FILIP1L: variants seen among roughly 807,000 people sequenced by gnomAD.
FILIP1L encodes the protein filamin A interacting protein 1 like, also known as filamin A-interacting protein 1-like.
In FILIP1L, 55 loss-of-function variants were observed where a neutral mutation model predicts 96.6. That is an observed-to-expected ratio of 0.57 (90% CI 0.46 to 0.71). The LOEUF (loss-of-function observed/expected upper bound fraction) is 0.71, where lower values mean the gene tolerates loss of function less well. Among genes scored for constraint, FILIP1L ranks in the 30% least tolerant of loss-of-function variants. FILIP1L has a pLI of 0.00. For synonymous variants in FILIP1L, 467 were observed against 473.9 expected, an observed-to-expected ratio of 0.99 and a Z score of 0.19; for missense variants, 1,304 against 1,321.2, an observed-to-expected ratio of 0.99 and a Z score of 0.20.
intron 1 of FILIP1L, among the ~76,000 whole-genome samples, chr3:99,939,513 C>A (rs1707792462): frequency 6.6e-6 from 1 of 152,140 alleles, no homozygotes; most frequent in Admixed American, 6.5e-5. Flanking sequence ...CCCCTTCAGC[C>A]CAGGGTCTTT....
chr3:100,061,712 G>A (rs184830268), intron 1 of FILIP1L, among the ~76,000 whole-genome samples: 332 of 152,046 alleles, frequency 2.2e-3, no homozygotes, highest in Non-Finnish European at 3.0e-3. Context: ...CACTACCTCC[G>A]AGGTGCATGT....
intron 1 of FILIP1L, among the ~76,000 whole-genome samples, chr3:99,940,773 GCCT>G (rs1403564503): frequency 6.6e-6 from 1 of 152,154 alleles, no homozygotes; most frequent in Non-Finnish European, 1.5e-5. Flanking sequence ...GTGCCTTTTG[GCCT>G]CCTCTTGCCT....
chr3:99,984,111 A>G (rs901040454), intron 1 of FILIP1L, among the ~76,000 whole-genome samples: 8 of 137,294 alleles, frequency 5.8e-5, no homozygotes, highest in Non-Finnish European at 9.5e-5. Context: ...TCAGGTGCTC[A>G]GGTATGAAAT....
intron 1 of FILIP1L, among the ~76,000 whole-genome samples, chr3:99,994,849 C>T (rs145689534): frequency 3.9e-5 from 6 of 152,318 alleles, no homozygotes; most frequent in East Asian, 1.9e-4. Context: ...TTCACTACCA[C>T]GAGAACAGTA....
intron 4 of FILIP1L, among the ~76,000 whole-genome samples, chr3:99,903,776 TG>T (rs1185858575): frequency 1.3e-5 from 2 of 152,184 alleles, no homozygotes; most frequent in Admixed American, 6.5e-5. Context: ...CCCAAAAAAG[TG>T]TGTCTTTTTT....
At chr3:100,024,525 T>C (rs1261799781) in intron 1 of FILIP1L, among the ~76,000 whole-genome samples, 1 of 152,160 alleles carries the variant, frequency 6.6e-6, no homozygotes, top group Admixed American at 6.6e-5. Flanking sequence ...GTACCTTTCA[T>C]AGGAAGCAAC....
rs61704772 is a variant in FILIP1L, at chr3:100,021,915, T to TTGTGTG, written c.-10-90891_-10-90886dup. 9.4e-3 allele frequency among the ~76,000 whole-genome samples: 1,000 copies of TTGTGTG among 105,880 alleles called. 3 individuals carry two copies. Among genetic ancestry groups the TTGTGTG allele is most frequent in the Non-Finnish European group, 0.013 (706 of 54,396 alleles). The allele number at this position is 105,880 out of a possible 152,430, so 69.5% of individuals were successfully genotyped here. On this transcript the variant is annotated intron_variant, in intron 1 of 5. Coordinates refer to ENST00000477258, the MANE Select transcript of FILIP1L (RefSeq NM_001387850.1). ...AGAATAGCTTGGATGCTAGATCCCA[T>TTGTGTG]TGTGTGTGTGTGTGTGTGTGTGTGT...
chr3:99,920,502 T>C (rs906494625), intron 4 of FILIP1L, among the ~76,000 whole-genome samples: 8 of 152,216 alleles, frequency 5.3e-5, no homozygotes, highest in African/African-American at 1.7e-4. Context: ...TTCAGGTCAT[T>C]GGTGACACAC....
chr3:99,970,617 C>T (rs1708784778), intron 1 of FILIP1L, among the ~76,000 whole-genome samples: 1 of 152,156 alleles, frequency 6.6e-6, no homozygotes, highest in Non-Finnish European at 1.5e-5. Context: ...TAGTTCTAGA[C>T]CTTGCATGTA....
chr3:100,067,690 AATG>A (rs912805574), intron 1 of FILIP1L, among the ~76,000 whole-genome samples: 3 of 152,192 alleles, frequency 2.0e-5, no homozygotes, highest in Non-Finnish European at 4.4e-5. Context: ...TAAACTGATT[AATG>A]ATTAACTAGT....
At chr3:99,993,470 T>A (rs1281965333) in intron 1 of FILIP1L, among the ~76,000 whole-genome samples, 4 of 152,092 alleles carry the variant, frequency 2.6e-5, no homozygotes, top group Admixed American at 2.6e-4. Flanking sequence ...GCCTCTTATT[T>A]CTTTCTCTTA....
At chr3:99,903,407 A>G (rs1706505005) in intron 4 of FILIP1L, among the ~76,000 whole-genome samples, 1 of 151,924 alleles carries the variant, frequency 6.6e-6, no homozygotes, top group Admixed American at 6.6e-5. Context: ...GCCTGCCACC[A>G]CACCCAGCTA....
intron 1 of FILIP1L, among the ~76,000 whole-genome samples, chr3:99,983,454 A>G (rs9862572): frequency 9.9e-4 from 8 of 8,120 alleles, no homozygotes; most frequent in African/African-American, 4.4e-3. Flanking sequence ...ATGTATATAT[A>G]TATATGTGTG....
chr3:100,061,141 A>T (rs919646747), intron 1 of FILIP1L, among the ~76,000 whole-genome samples: 33 of 150,136 alleles, frequency 2.2e-4, no homozygotes, highest in South Asian at 4.2e-4. Flanking sequence ...TTAAAATTTA[A>T]AAAAAAAAAA....
intron 4 of FILIP1L, among the ~76,000 whole-genome samples, chr3:99,864,050 G>C (rs527359943): frequency 4.7e-4 from 72 of 152,224 alleles, no homozygotes; most frequent in African/African-American, 1.7e-3. Context: ...AAACTTTGTA[G>C]GATCTATTTT....
chr3:99,903,791 T>C (rs1011986398), intron 4 of FILIP1L, among the ~76,000 whole-genome samples: 3 of 152,204 alleles, frequency 2.0e-5, no homozygotes, highest in Middle Eastern at 6.3e-3. Flanking sequence ...CTTTTTTTAC[T>C]AAGATGCTTC....
intron 1 of FILIP1L, among the ~76,000 whole-genome samples, chr3:100,014,719 G>A (rs1277815458): frequency 1.3e-5 from 2 of 148,410 alleles, no homozygotes; most frequent in African/African-American, 4.9e-5. Flanking sequence ...TTCCCTATAT[G>A]TTTTGGATAT....
At chr3:100,025,996 G>A (rs1009658284) in intron 1 of FILIP1L, among the ~76,000 whole-genome samples, 7 of 152,082 alleles carry the variant, frequency 4.6e-5, no homozygotes, top group African/African-American at 9.7e-5. Flanking sequence ...ACCTTACCTC[G>A]CTCCCAGGCA....
intron 4 of FILIP1L, among the ~76,000 whole-genome samples, chr3:99,924,021 C>T (rs1449359511): frequency 6.6e-6 from 1 of 152,220 alleles, no homozygotes; most frequent in Non-Finnish European, 1.5e-5. Flanking sequence ...AGGGGCCTAA[C>T]ATTTATGGTT....
Sources: allele counts gnomAD v4.1 joint callset (sites outside exome capture counted in the v4.1 genomes callset), GRCh38; gene constraint gnomAD v4.1.1; transcripts MANE v1.5; gene names NCBI Gene and HGNC (gene_info 2026-07-23, HGNC 2026-07-21).